Variants in ST8SIA2 observed in about 807,000 individuals in gnomAD.
The protein encoded by ST8SIA2 is ST8 alpha-N-acetyl-neuraminide alpha-2,8-sialyltransferase 2.
A neutral mutation model predicts 37.6 loss-of-function variants in ST8SIA2; 22 were observed. The ratio of observed to expected loss-of-function variants is 0.58; its 90% CI spans 0.42 to 0.83. ST8SIA2 has a LOEUF of 0.83. ST8SIA2 is among the 40% of genes least tolerant of loss of function. The pLI, the probability that ST8SIA2 is intolerant of heterozygous loss-of-function variation, is 0.00. For synonymous variants in ST8SIA2, 205 were observed against 201.2 expected (o/e 1.02, Z -0.16); for missense variants, 382 against 484.7 (o/e 0.79, Z 1.99).
chr15:92,413,690 C>T (rs2049566691), intron 1 of ST8SIA2, among the ~76,000 whole-genome samples: 1 of 152,220 alleles, frequency 6.6e-6, no homozygotes, highest in South Asian at 2.1e-4. Flanking sequence ...AATCTCCTGT[C>T]CACTTGTCAG....
intron 1 of ST8SIA2, among the ~76,000 whole-genome samples, chr15:92,394,562 G>T (rs1047736412): frequency 1.3e-5 from 2 of 152,136 alleles, no homozygotes; most frequent in East Asian, 1.9e-4. Flanking sequence ...CAGCACGGCC[G>T]CTTTCTCGCC....
chr15:92,462,487 G>A (rs1207588380), intron 5 of ST8SIA2, among the ~76,000 whole-genome samples: 2 of 152,170 alleles, frequency 1.3e-5, no homozygotes, highest in Non-Finnish European at 2.9e-5. Flanking sequence ...TAGAAAACCT[G>A]TCCCTCCCAC....
At chr15:92,454,482 C>G (rs1422460777) in intron 5 of ST8SIA2, among the ~76,000 whole-genome samples, 2 of 152,094 alleles carry the variant, frequency 1.3e-5, no homozygotes, top group Non-Finnish European at 2.9e-5. Flanking sequence ...AGAAATTCAA[C>G]CCATAACAGC....
chr15:92,452,412 G>A (rs1346511728), intron 5 of ST8SIA2, among the ~76,000 whole-genome samples: 1 of 152,210 alleles, frequency 6.6e-6, no homozygotes, highest in African/African-American at 2.4e-5. Flanking sequence ...CAAACTTGCG[G>A]TCAGACCACT....
intron 1 of ST8SIA2, among the ~76,000 whole-genome samples, chr15:92,426,061 C>T (rs1567215800): frequency 6.6e-6 from 1 of 152,092 alleles, no homozygotes; most frequent in Admixed American, 6.5e-5. Flanking sequence ...TATTGTGGCC[C>T]GCAGGAGGAA....
intron 1 of ST8SIA2, among the ~76,000 whole-genome samples, chr15:92,412,287 G>A (rs1213169486): frequency 1.3e-5 from 2 of 150,076 alleles, no homozygotes; most frequent in Non-Finnish European, 1.5e-5. Context: ...AAGGAAGGGG[G>A]GAGAGGTTCA....
chr15:92,395,057 C>T (rs569782413), intron 1 of ST8SIA2, among the ~76,000 whole-genome samples: 3 of 152,106 alleles, frequency 2.0e-5, no homozygotes, highest in Non-Finnish European at 2.9e-5. Context: ...GTCCCAGGGG[C>T]TGAGACTCGC....
chr15:92,414,997 C>G (rs574701507), intron 1 of ST8SIA2, among the ~76,000 whole-genome samples: 87 of 152,302 alleles, frequency 5.7e-4, no homozygotes, highest in South Asian at 1.4e-3. Context: ...TCCCCAGAGC[C>G]CTGGGCTCCT....
chr15:92,453,380 G>A (rs1377052178), intron 5 of ST8SIA2, among the ~76,000 whole-genome samples: 1 of 152,130 alleles, frequency 6.6e-6, no homozygotes, highest in Non-Finnish European at 1.5e-5. Context: ...GTGACTTTTG[G>A]GGGATTCTCC....
At chr15:92,396,070 A>T (rs2049428479) in intron 1 of ST8SIA2, among the ~76,000 whole-genome samples, 1 of 152,202 alleles carries the variant, frequency 6.6e-6, no homozygotes, top group Non-Finnish European at 1.5e-5. Context: ...GTCTCACTTG[A>T]GTGCTCCCTG....
chr15:92,454,323 T>C (rs2049903724), intron 5 of ST8SIA2, among the ~76,000 whole-genome samples: 1 of 152,040 alleles, frequency 6.6e-6, no homozygotes, highest in Non-Finnish European at 1.5e-5. Context: ...ATCCCCCCTC[T>C]TTGCAAGGAC....
intron 1 of ST8SIA2, among the ~76,000 whole-genome samples, chr15:92,405,228 A>G (rs563683863): frequency 5.2e-5 from 8 of 152,388 alleles, no homozygotes; most frequent in Admixed American, 4.6e-4. Context: ...GCCAGTGGCC[A>G]AAGCACAAAT....
chr15:92,448,135 C>CA (rs1292259467), intron 5 of ST8SIA2, among the ~76,000 whole-genome samples: 1 of 152,146 alleles, frequency 6.6e-6, no homozygotes. Context: ...GCCCTTTAAA[C>CA]AAACAGGCTG....
intron 1 of ST8SIA2, among the ~76,000 whole-genome samples, chr15:92,402,791 G>T (rs558122052): frequency 6.6e-6 from 1 of 152,052 alleles, no homozygotes; most frequent in African/African-American, 2.4e-5. Context: ...CAGCTTCCCC[G>T]CACGGAGTCT....
intron 1 of ST8SIA2, among the ~76,000 whole-genome samples, chr15:92,420,251 A>C (rs373947521): frequency 6.6e-6 from 1 of 152,282 alleles, no homozygotes; most frequent in East Asian, 1.9e-4. Flanking sequence ...GTCCCTGTTT[A>C]TGAATCCTTT....
At chr15:92,400,759 C>G (rs1457929418) in intron 1 of ST8SIA2, among the ~76,000 whole-genome samples, 1 of 152,174 alleles carries the variant, frequency 6.6e-6, no homozygotes, top group African/African-American at 2.4e-5. Context: ...CTGCCCCCTC[C>G]TGCCTGGAAG....
intron 1 of ST8SIA2, among the ~76,000 whole-genome samples, chr15:92,395,494 G>A (rs1301217927): frequency 6.6e-6 from 1 of 152,028 alleles, no homozygotes; most frequent in Non-Finnish European, 1.5e-5. Context: ...TTCCTTCTGT[G>A]AACTCCGCTG....
chr15:92,450,842 C>T (rs1331406424), intron 5 of ST8SIA2, among the ~76,000 whole-genome samples: 2 of 152,202 alleles, frequency 1.3e-5, no homozygotes, highest in South Asian at 2.1e-4. Context: ...TATTAGTAAA[C>T]ACACATACAC....
intron 3 of ST8SIA2, among the ~76,000 whole-genome samples, chr15:92,435,440 G>C (rs1451765679): frequency 1.3e-5 from 2 of 152,092 alleles, no homozygotes; most frequent in Non-Finnish European, 2.9e-5. Context: ...CAAGGAATAG[G>C]GGGGTAAGGT....
Sources: allele counts gnomAD v4.1 joint callset (sites outside exome capture counted in the v4.1 genomes callset), GRCh38; gene constraint gnomAD v4.1.1; transcripts MANE v1.5; gene names NCBI Gene and HGNC (gene_info 2026-07-23, HGNC 2026-07-21).